The following FRMPD4 variants were observed in gnomAD, a reference collection of about 807,000 sequenced individuals.
FRMPD4 encodes the protein FERM and PDZ domain-containing protein 4.
FRMPD4 carries 22 observed loss-of-function variants against 94.1 expected under a neutral mutation model. That is an observed-to-expected ratio of 0.23 (90% CI 0.17 to 0.33). The LOEUF (loss-of-function observed/expected upper bound fraction) is 0.33, where lower values mean the gene tolerates loss of function less well. Among genes scored for constraint, FRMPD4 ranks in the 10% least tolerant of loss-of-function variants. FRMPD4 has a pLI of 1.00. For missense variants in FRMPD4, 1,111 were observed against 1,339.9 expected (o/e 0.83, Z 2.67); for synonymous variants, 631 against 548.6 (o/e 1.15, Z -2.10).
chrX:12,489,391 T>C (rs1424535779), intron 1 of FRMPD4, among the ~76,000 whole-genome samples: 1 of 112,315 alleles, frequency 8.9e-6, no homozygotes, highest in Non-Finnish European at 1.9e-5. Flanking sequence ...CGGAAAATGT[T>C]TGAATATTTC....
At chrX:12,655,104 T>C (rs1372414390) in intron 4 of FRMPD4, among the ~76,000 whole-genome samples, 1 of 112,667 alleles carries the variant, frequency 8.9e-6, no homozygotes, top group East Asian at 2.8e-4. Flanking sequence ...TCTTATATTG[T>C]GATTGTTACT....
chrX:12,443,536 T>C (rs1275158517), intron 1 of FRMPD4, among the ~76,000 whole-genome samples: 1 of 112,010 alleles, frequency 8.9e-6, no homozygotes, highest in African/African-American at 3.2e-5. Flanking sequence ...CACATGGTAC[T>C]GGCGGCCACC....
chrX:11,941,070 CCTTT>C lies in FRMPD4; in HGVS notation c.95+63057_95+63060del, dbSNP rs771163604. Among the ~76,000 whole-genome samples, 94 of 35,961 alleles carry C rather than the reference CCTTT, an allele frequency of 2.6e-3. 6 individuals carry two copies. Among genetic ancestry groups the C allele is most frequent in the Non-Finnish European group, 4.5e-3 (78 of 17,452 alleles). 31.2% of individuals were successfully genotyped at this position (35,961 alleles called of 115,157 possible). On this transcript the variant is annotated intron_variant, in intron 3 of 18. Coordinates refer to the FRMPD4 transcript ENST00000640291. ...CGATTTTCCAGGTGCGTCCGTCACC[CCTTT>C]CTTTGACTCGGAAAGGGAACTCCCT... is the stretch of plus-strand genomic sequence containing the variant.
intron 3 of FRMPD4, among the ~76,000 whole-genome samples, chrX:12,106,913 G>A (rs35019516): frequency 0.18 from 19,589 of 111,255 alleles, 1,271 homozygotes; most frequent in South Asian, 0.32. Context: ...AGCTCGAAGT[G>A]GGTGGACCCC....
At chrX:12,286,981 CT>C (rs2054611815) in intron 1 of FRMPD4, among the ~76,000 whole-genome samples, 1 of 112,092 alleles carries the variant, frequency 8.9e-6, no homozygotes, top group Admixed American at 9.5e-5. Flanking sequence ...GTCAAGAACT[CT>C]TGGGAGAATG....
intron 1 of FRMPD4, among the ~76,000 whole-genome samples, chrX:12,475,926 C>G (rs1323313274): frequency 9.0e-6 from 1 of 111,405 alleles, no homozygotes. Flanking sequence ...CCCCATCAAG[C>G]TACCAATGAC....
At chrX:12,065,697 C>A (rs2054915114) in intron 3 of FRMPD4, among the ~76,000 whole-genome samples, 1 of 112,120 alleles carries the variant, frequency 8.9e-6, no homozygotes, top group Non-Finnish European at 1.9e-5. Flanking sequence ...ACAAAGTATT[C>A]CCTAAATACT....
chrX:12,036,470 C>A lies in FRMPD4; in HGVS notation c.95+158452C>A, dbSNP rs187032195. The stretch of plus-strand genomic sequence containing the variant: ...AATTGAACAAGAAAAAAAGTGGTAT[C>A]TTTGAGAACAAGTGAGAACATTTTG... On this transcript the variant is annotated intron_variant, in intron 3 of 18. Coordinates refer to the FRMPD4 transcript ENST00000640291. 3.6e-5 allele frequency among the ~76,000 whole-genome samples: 4 copies of A among 111,883 alleles called. No homozygotes were observed. The East Asian group carries it at 1.1e-3, about 31-fold the overall frequency.
At chrX:12,663,417 G>A (rs1250129272) in intron 4 of FRMPD4, among the ~76,000 whole-genome samples, 1 of 112,093 alleles carries the variant, frequency 8.9e-6, no homozygotes, top group Non-Finnish European at 1.9e-5. Context: ...CATATGGCTA[G>A]CCAATTTTCC....
chrX:12,433,844 A>T (rs2057035517), intron 1 of FRMPD4, among the ~76,000 whole-genome samples: 1 of 112,262 alleles, frequency 8.9e-6, no homozygotes. Context: ...CTGAAAAAAA[A>T]TCAGGGAAAT....
chrX:11,900,376 A>G (rs184720221), intron 3 of FRMPD4, among the ~76,000 whole-genome samples: 7 of 111,581 alleles, frequency 6.3e-5, no homozygotes, highest in African/African-American at 2.3e-4. Flanking sequence ...CCAGGCCAGG[A>G]CAGGATAGGA....
intron 2 of FRMPD4, among the ~76,000 whole-genome samples, chrX:12,607,044 C>T (rs969819980): frequency 1.8e-5 from 2 of 111,362 alleles, no homozygotes; most frequent in African/African-American, 6.5e-5. Context: ...ATCAGAGGTC[C>T]TACTAGTGTC....
chrX:12,284,351 G>C (rs1320127280), intron 1 of FRMPD4, among the ~76,000 whole-genome samples: 1 of 111,699 alleles, frequency 9.0e-6, no homozygotes, highest in African/African-American at 3.3e-5. Context: ...CCCAACTTCT[G>C]CCCTCTCAAG....
At chrX:12,392,033 ATTTAT>A (rs1281008876) in intron 1 of FRMPD4, among the ~76,000 whole-genome samples, 1 of 109,935 alleles carries the variant, frequency 9.1e-6, no homozygotes. Flanking sequence ...TTTTAATTTT[ATTTAT>A]TTATTTATTT....
chrX:12,427,895 CTCTTTTT>C (rs2056965100), intron 1 of FRMPD4, among the ~76,000 whole-genome samples: 2 of 60,799 alleles, frequency 3.3e-5, no homozygotes, highest in South Asian at 1.1e-3. Flanking sequence ...TTCCTTTTTT[CTCTTTTT>C]TTTTTTTTTT....
chrX:12,418,350 C>CTTTTTTTTTTTTT (rs540740432), intron 1 of FRMPD4, among the ~76,000 whole-genome samples: 3 of 81,078 alleles, frequency 3.7e-5, no homozygotes, highest in African/African-American at 4.8e-5. Context: ...GTGTTTCTTT[C>CTTTTTTTTTTTTT]TTTTTTTTTT....
intron 1 of FRMPD4, among the ~76,000 whole-genome samples, chrX:12,450,058 A>G (rs1206917619): frequency 9.0e-6 from 1 of 110,685 alleles, no homozygotes; most frequent in Non-Finnish European, 1.9e-5. Context: ...ATTCCTGTGA[A>G]GAGATTTTCT....
intron 1 of FRMPD4, among the ~76,000 whole-genome samples, chrX:12,165,209 C>T (rs2147629493): frequency 8.9e-6 from 1 of 112,256 alleles, no homozygotes; most frequent in South Asian, 3.7e-4. Context: ...TTTAATCCAT[C>T]TTGAATTAAT....
chrX:11,886,797 G>C (rs2053847782), intron 3 of FRMPD4, among the ~76,000 whole-genome samples: 1 of 109,694 alleles, frequency 9.1e-6, no homozygotes, highest in Non-Finnish European at 1.9e-5. Context: ...TTAAAAATCT[G>C]ATAATTATAT....
Sources: allele counts gnomAD v4.1 joint callset (sites outside exome capture counted in the v4.1 genomes callset), GRCh38; gene constraint gnomAD v4.1.1; transcripts MANE v1.5; gene names NCBI Gene and HGNC (gene_info 2026-07-23, HGNC 2026-07-21).